The following KCNQ5 variants were observed in gnomAD, a reference collection of about 807,000 sequenced individuals.
KCNQ5 encodes the protein potassium voltage-gated channel subfamily KQT member 5.
KCNQ5 carries 30 observed loss-of-function variants against 98.2 expected under a neutral mutation model. The observed-to-expected ratio is 0.31, with a 90% confidence interval of 0.23 to 0.41. KCNQ5 has a LOEUF of 0.41. KCNQ5 is among the 10% of genes least tolerant of loss of function. The pLI, the probability that KCNQ5 is intolerant of heterozygous loss-of-function variation, is 1.00. For synonymous variants in KCNQ5, 458 were observed against 449.4 expected (o/e 1.02, Z -0.24); for missense variants, 835 against 1,182.5 (o/e 0.71, Z 4.31).
At chr6:72,682,200 A>AAAAAC (rs899355463) in intron 1 of KCNQ5, among the ~76,000 whole-genome samples, 2 of 152,220 alleles carry the variant, frequency 1.3e-5, no homozygotes, top group East Asian at 3.8e-4. Context: ...ACAGTATTAA[A>AAAAAC]AAAACAAAAC....
At chr6:72,760,333 A>G (rs180966913) in intron 1 of KCNQ5, among the ~76,000 whole-genome samples, 7 of 151,144 alleles carry the variant, frequency 4.6e-5, no homozygotes, top group African/African-American at 1.5e-4. Context: ...AGAGCTAATA[A>G]AAAGACAGGC....
chr6:73,105,355 T>C lies in KCNQ5; in HGVS notation c.1017T>C (p.Phe339=), dbSNP rs1425056226. The change falls in exon 6 of 14, where the codon TTT becomes TTC. Residue 339 remains phenylalanine, a synonymous_variant. Transcript: ENST00000370398. ...AGFALLGISF[F]ALPAGILGSG... ...TTGCACTCCTTGGCATTTCTTTCTT[T>C]GCACTTCCTGCCGTGAGTATCTTTG... The C allele has an allele frequency of 6.2e-7, 1 of 1,607,116 alleles. No individual in the cohort carries two copies. Among genetic ancestry groups the C allele is most frequent in the East Asian group, 2.2e-5 (1 of 44,806 alleles).
At chr6:72,867,949 A>ATAC (rs57209403) in intron 1 of KCNQ5, among the ~76,000 whole-genome samples, 113 of 147,370 alleles carry the variant, frequency 7.7e-4, no homozygotes, top group South Asian at 5.0e-3. Context: ...AATAATACTA[A>ATAC]TACTACTACT....
intron 2 of KCNQ5, among the ~76,000 whole-genome samples, chr6:73,023,696 T>G (rs1770717231): frequency 6.6e-6 from 1 of 152,168 alleles, no homozygotes; most frequent in Admixed American, 6.5e-5. Flanking sequence ...GCATTTAACT[T>G]GTTAGAGTAT....
chr6:72,784,230 C>G lies in KCNQ5; in HGVS notation c.398+161643C>G, dbSNP rs373835606. 2.0e-4 allele frequency among the ~76,000 whole-genome samples: 30 copies of G among 152,276 alleles called. No individual in the cohort carries two copies. The East Asian group carries it at 2.1e-3, about 11-fold the overall frequency. ...GGAGCTGCATGTGTTACTGACTGTG[C>G]TTCCAAACCACCACTGCTGTTCAGG... On this transcript the variant is annotated intron_variant, in intron 1 of 13. Coordinates refer to ENST00000370398, the MANE Select transcript of KCNQ5 (RefSeq NM_019842.4).
chr6:72,986,766 A>T (rs990700836), intron 1 of KCNQ5: 59 of 1,478,316 alleles, frequency 4.0e-5, no homozygotes, highest in Non-Finnish European at 5.3e-5. Context: ...GACCCCAGAC[A>T]GGGTGAAGAG....
At chr6:72,987,638 G>C (rs1002427936) in intron 1 of KCNQ5, 5 of 608,454 alleles carry the variant, frequency 8.2e-6, no homozygotes, top group African/African-American at 5.7e-5. Flanking sequence ...GACTGTGACC[G>C]GGCCATGAGC....
chr6:73,077,208 G>C, intron 3 of KCNQ5, 114 bp from the exon 4 acceptor site: 1 of 1,018,330 alleles, frequency 9.8e-7, no homozygotes, highest in East Asian at 2.4e-5. Context: ...TGGGAATCAA[G>C]ATCTGTTTAT....
intron 5 of KCNQ5, among the ~76,000 whole-genome samples, chr6:73,086,534 C>T (rs997452298): frequency 3.3e-5 from 5 of 152,140 alleles, no homozygotes; most frequent in African/African-American, 1.2e-4. Context: ...CCCTTCAAGT[C>T]AGAGATTCCT....
intron 3 of KCNQ5, among the ~76,000 whole-genome samples, chr6:73,058,278 G>T (rs144299893): frequency 0.016 from 2,484 of 152,288 alleles, 34 homozygotes; most frequent in Non-Finnish European, 0.028. Flanking sequence ...TGGGCGAGGT[G>T]GCGGGCACCT....
chr6:72,973,006 T>C (rs1653375942), intron 1 of KCNQ5, among the ~76,000 whole-genome samples: 1 of 152,176 alleles, frequency 6.6e-6, no homozygotes. Flanking sequence ...CCTTCTAATG[T>C]GTAATTCAAT....
intron 11 of KCNQ5, among the ~76,000 whole-genome samples, chr6:73,179,774 C>T (rs1056393203): frequency 7.9e-5 from 12 of 152,252 alleles, no homozygotes; most frequent in Middle Eastern, 6.8e-3. Context: ...CATTTCTGAT[C>T]ACCTCTACCA....
At chr6:72,899,216 T>C (rs1446512793) in intron 1 of KCNQ5, among the ~76,000 whole-genome samples, 1 of 152,198 alleles carries the variant, frequency 6.6e-6, no homozygotes, top group African/African-American at 2.4e-5. Flanking sequence ...TTCATTTACA[T>C]TTTAACAAAA....
At chr6:73,075,549 A>G (rs1482414056) in intron 3 of KCNQ5, among the ~76,000 whole-genome samples, 1 of 152,102 alleles carries the variant, frequency 6.6e-6, no homozygotes, top group Non-Finnish European at 1.5e-5. Flanking sequence ...CTAGTCATAT[A>G]CTAATATATA....
intron 1 of KCNQ5, among the ~76,000 whole-genome samples, chr6:72,634,765 G>C (rs773309775): frequency 1.3e-5 from 2 of 151,898 alleles, no homozygotes; most frequent in African/African-American, 4.8e-5. Flanking sequence ...ATGGGGTTTT[G>C]TTATGTTGAC....
At position 72,962,990 on chromosome 6, in the gene KCNQ5, A is replaced by G. The variant is rs543872962; in HGVS notation, c.399-40918A>G. Among the ~76,000 whole-genome samples, 3 of 152,332 alleles carry G rather than the reference A, an allele frequency of 2.0e-5. No homozygotes were observed. The East Asian group carries it at 5.8e-4, about 29-fold the overall frequency. Reference sequence around the variant, plus strand: ...ATATCTCATACTTCTCAGAGGAAAAAAATGGTTTAATCCTAGTTCTAATGT... The same window carrying G: ...ATATCTCATACTTCTCAGAGGAAAAGAATGGTTTAATCCTAGTTCTAATGT... On this transcript the variant is annotated intron_variant, in intron 1 of 13. Transcript: ENST00000370398.
intron 1 of KCNQ5, among the ~76,000 whole-genome samples, chr6:72,665,085 C>A (rs527255893): frequency 1.3e-5 from 2 of 151,014 alleles, no homozygotes; most frequent in African/African-American, 4.9e-5. Flanking sequence ...TGGTGTCTCA[C>A]GCCTGTAATC....
At chr6:73,000,133 C>T (rs766079934) in intron 1 of KCNQ5, among the ~76,000 whole-genome samples, 21 of 152,104 alleles carry the variant, frequency 1.4e-4, no homozygotes, top group Non-Finnish European at 2.8e-4. Flanking sequence ...AATCAGCATG[C>T]ATACATGCGC....
At chr6:72,988,677 T>C (rs1768947183) in intron 1 of KCNQ5, among the ~76,000 whole-genome samples, 1 of 137,796 alleles carries the variant, frequency 7.3e-6, no homozygotes, top group Non-Finnish European at 1.6e-5. Context: ...TATTATACTC[T>C]AAGTTTTAGG....
Sources: gnomAD v4.1 joint callset for allele counts (sites outside exome capture counted in the v4.1 genomes callset) on GRCh38, gnomAD v4.1.1 for gene constraint, MANE v1.5 for transcripts, NCBI Gene and HGNC (gene_info 2026-07-23, HGNC 2026-07-21) for gene names.